FGF13: variants seen among roughly 807,000 people sequenced by gnomAD.
FGF13 encodes fibroblast growth factor 13, also known as fibroblast growth factor homologous factor 2.
A neutral mutation model predicts 19.5 loss-of-function variants in FGF13; 2 were observed. The observed-to-expected ratio is 0.10, with a 90% confidence interval of 0.04 to 0.32. FGF13 has a LOEUF of 0.32. Ranked by LOEUF, FGF13 falls within the 10% of genes least tolerant of loss-of-function variation. The pLI is 1.00. For synonymous variants in FGF13, 72 were observed against 76.9 expected (o/e 0.94, Z 0.33); for missense variants, 113 against 192.7 (o/e 0.59, Z 2.45).
At chrX:138,951,434 C>T (rs907852351) in intron 1 of FGF13, among the ~76,000 whole-genome samples, 30 of 111,674 alleles carry the variant, frequency 2.7e-4, no homozygotes, top group African/African-American at 9.4e-4. Flanking sequence ...TTGAAATATT[C>T]TGTACATCAA....
chrX:138,770,810 G>A (rs905783444), intron 3 of FGF13, among the ~76,000 whole-genome samples: 2 of 111,448 alleles, frequency 1.8e-5, no homozygotes, highest in Admixed American at 9.6e-5. Context: ...ATATAAAAAG[G>A]CACCAGCTCG....
At chrX:138,867,726 T>C (rs2091334995) in intron 1 of FGF13, among the ~76,000 whole-genome samples, 1 of 111,443 alleles carries the variant, frequency 9.0e-6, no homozygotes, top group African/African-American at 3.3e-5. Flanking sequence ...TTATGGGAAC[T>C]ATAATTCAAG....
At chrX:139,127,982 G>T (rs1159749616) in intron 1 of FGF13, among the ~76,000 whole-genome samples, 1 of 110,601 alleles carries the variant, frequency 9.0e-6, no homozygotes, top group African/African-American at 3.3e-5. Flanking sequence ...TTCCACTTCT[G>T]ATGTTCCTTA....
At chrX:138,798,518 T>C (rs1296999718) in intron 3 of FGF13, among the ~76,000 whole-genome samples, 1 of 110,808 alleles carries the variant, frequency 9.0e-6, no homozygotes, top group Non-Finnish European at 1.9e-5. Context: ...TTGGCCTGAT[T>C]TTTTTTTCTT....
At position 138,711,504 on chromosome X, in the gene FGF13, G is replaced by C. The variant is rs965656809; in HGVS notation, c.-501C>G. 1.3e-6 allele frequency: 1 copy of C among 753,491 alleles called. No homozygotes were observed. Among genetic ancestry groups the C allele is most frequent in the Non-Finnish European group, 1.6e-6 (1 of 637,475 alleles). The allele number at this position is 753,491 out of a possible 1,213,427, so 62.1% of individuals were successfully genotyped here. A position where few individuals can be genotyped will look rare whatever the true frequency, so the allele number is the denominator to read the frequency against. On this transcript the variant is annotated 5_prime_UTR_variant, in exon 1 of 5. Coordinates refer to ENST00000315930, the MANE Select transcript of FGF13 (RefSeq NM_004114.5). ...ACGGAGGAGGGACGAGGCAGCGCGC[G>C]GGGGAGCGCGCCCTCGCCCTGGCCC... is the stretch of plus-strand genomic sequence containing the variant.
chrX:139,103,059 A>G (rs1214211349), intron 1 of FGF13, among the ~76,000 whole-genome samples: 2 of 112,317 alleles, frequency 1.8e-5, no homozygotes, highest in Non-Finnish European at 3.8e-5. Context: ...CTTCCCCAGT[A>G]TAAGTGCTCA....
At chrX:138,782,096 C>T (rs1459823273) in intron 3 of FGF13, among the ~76,000 whole-genome samples, 1 of 111,569 alleles carries the variant, frequency 9.0e-6, no homozygotes, top group Non-Finnish European at 1.9e-5. Context: ...AGGCCTTTGA[C>T]AAAATTCAAC....
chrX:139,192,645 T>C (rs901783272), intron 1 of FGF13, among the ~76,000 whole-genome samples: 5 of 111,754 alleles, frequency 4.5e-5, no homozygotes, highest in Non-Finnish European at 3.8e-5. Context: ...TGCCCAGATA[T>C]ACTGAATCAA....
intron 1 of FGF13, among the ~76,000 whole-genome samples, chrX:139,193,869 A>G (rs1603236071): frequency 9.0e-6 from 1 of 111,727 alleles, no homozygotes; most frequent in Non-Finnish European, 1.9e-5. Context: ...TTCTTTCAAG[A>G]TTTATTCTTA....
intron 2 of FGF13, among the ~76,000 whole-genome samples, chrX:138,707,586 T>C (rs995469762): frequency 8.9e-6 from 1 of 112,065 alleles, no homozygotes; most frequent in Non-Finnish European, 1.9e-5. Flanking sequence ...CTAGTTACAC[T>C]TGCCTAATAG....
intron 1 of FGF13, among the ~76,000 whole-genome samples, chrX:139,171,127 A>T (rs1420268421): frequency 9.0e-6 from 1 of 110,601 alleles, no homozygotes; most frequent in Non-Finnish European, 1.9e-5. Context: ...TTTATGCTTG[A>T]CTTATCCTGA....
intron 1 of FGF13, among the ~76,000 whole-genome samples, chrX:138,893,072 C>T (rs1370422466): frequency 9.0e-6 from 1 of 111,191 alleles, no homozygotes; most frequent in Non-Finnish European, 1.9e-5. Flanking sequence ...TCAAAAAATC[C>T]ATGCAACATT....
chrX:138,696,437 A>C (rs1286126165), intron 3 of FGF13, among the ~76,000 whole-genome samples: 3 of 111,930 alleles, frequency 2.7e-5, no homozygotes, highest in Non-Finnish European at 5.6e-5. Context: ...TGTGAAATAT[A>C]CTAAAAACAA....
At chrX:138,819,476 G>C (rs1435147223) in intron 3 of FGF13, among the ~76,000 whole-genome samples, 2 of 111,284 alleles carry the variant, frequency 1.8e-5, no homozygotes, top group Non-Finnish European at 3.8e-5. Context: ...TGTACTTTTT[G>C]CTTTCATATC....
At chrX:138,733,193 T>G (rs771804250) in intron 1 of FGF13, among the ~76,000 whole-genome samples, 1 of 112,088 alleles carries the variant, frequency 8.9e-6, no homozygotes, top group South Asian at 3.7e-4. Context: ...GAGCTGACAC[T>G]TATTTTTAGT....
chrX:138,716,443 C>G (rs959719931), upstream of FGF13: 1 of 111,470 alleles, frequency 9.0e-6, no homozygotes, highest in East Asian at 2.8e-4. Context: ...CAGCCAGGCA[C>G]AGTGGCTCAC....
intron 3 of FGF13, among the ~76,000 whole-genome samples, chrX:138,788,293 T>G (rs1390683745): frequency 8.9e-6 from 1 of 112,219 alleles, no homozygotes; most frequent in Non-Finnish European, 1.9e-5. Flanking sequence ...CCATGAGATC[T>G]TAAGGCTTGA....
intron 1 of FGF13, among the ~76,000 whole-genome samples, chrX:138,885,165 G>T (rs886423522): frequency 9.0e-6 from 1 of 111,339 alleles, no homozygotes; most frequent in Non-Finnish European, 1.9e-5. Context: ...GATTATTTGG[G>T]GTAGAATGGG....
rs191886852 is a variant in FGF13, at chrX:139,012,141, G to A, written c.-112-147491C>T. On this transcript the variant is annotated intron_variant, in intron 1 of 2. Transcript: ENST00000421460. The stretch of plus-strand genomic sequence containing the variant: ...ACTTAGGAATATACCTAACCAAGGA[G>A]GTGAAAGACCTCTACAAGAAAAACT... Among the ~76,000 whole-genome samples the A allele has an allele frequency of 5.0e-4, 56 of 111,173 alleles. No individual in the cohort carries two copies. In the East Asian group the frequency reaches 0.016, roughly 31 times the overall value.
Sources: allele counts gnomAD v4.1 joint callset (sites outside exome capture counted in the v4.1 genomes callset), GRCh38; gene constraint gnomAD v4.1.1; transcripts MANE v1.5; gene names NCBI Gene and HGNC (gene_info 2026-07-23, HGNC 2026-07-21).